The following ACOD1 variants were observed in gnomAD, a reference collection of about 807,000 sequenced individuals.
The protein encoded by ACOD1 is aconitate decarboxylase 1.
A neutral mutation model predicts 14.2 loss-of-function variants in ACOD1; 14 were observed. The ratio of observed to expected loss-of-function variants is 0.99; its 90% CI spans 0.65 to 1.54. The LOEUF is 1.54. Ranked by LOEUF, ACOD1 falls within the 40% of genes most tolerant of loss-of-function variation. ACOD1 has a pLI of 0.00. For missense variants in ACOD1, 530 were observed against 586.3 expected (o/e 0.90, Z 0.99); for synonymous variants, 182 against 221.7 (o/e 0.82, Z 1.59).
rs1391308448 is a variant in ACOD1, at chr13:76,957,173, G to A, written c.634G>A (p.Gly212Ser). ...AATQTKPLHI[G>S]NAAKHGIEAA... ...CACCCAGACCAAGCCCCTCCACATT[G>A]GCAATGCTGCCAAGCATGGGATAGA... The change falls in exon 5 of 5, where the codon GGC (glycine) becomes AGC (serine). Residue 212 changes from glycine (G) to serine (S), a missense_variant. Physicochemically the swap from Gly to Ser is moderately conservative, Grantham distance 56. Coordinates refer to ENST00000377462, the MANE Select transcript of ACOD1 (RefSeq NM_001258406.2). 1.9e-6 allele frequency: 3 copies of A among 1,550,676 alleles called. No homozygotes were observed. The highest frequency in any genetic ancestry group is 2.6e-6 in the Non-Finnish European group (3 of 1,147,016).
At chr13:76,950,230 T>A (rs953361752) in intron 1 of ACOD1, among the ~76,000 whole-genome samples, 3 of 152,062 alleles carry the variant, frequency 2.0e-5, no homozygotes, top group Non-Finnish European at 2.9e-5. Context: ...ACCCTACAGC[T>A]AAGATTTAAA....
At chr13:76,953,331 G>A (rs1446648977) in intron 2 of ACOD1, among the ~76,000 whole-genome samples, 1 of 152,134 alleles carries the variant, frequency 6.6e-6, no homozygotes, top group Non-Finnish European at 1.5e-5. Flanking sequence ...TTACCCCAAG[G>A]AGTAAATAAG....
chr13:76,958,048 AG>A lies in ACOD1; in HGVS notation c.*66del. On this transcript the variant is annotated 3_prime_UTR_variant, in exon 5 of 5. Transcript: ENST00000377462. ...ATTCAATGATTTGGTTTGTAAAGCA[AG>A]GGTCTGCTGCTTGGTTTTCCCAGGA... The A allele has an allele frequency of 7.1e-7, 1 of 1,405,356 alleles. No homozygotes were observed. The highest frequency in any genetic ancestry group is 1.5e-5 in the South Asian group (1 of 65,978). 87.1% of individuals were successfully genotyped at this position (1,405,356 alleles called of 1,614,324 possible).
At position 76,953,629 on chromosome 13, in the gene ACOD1, T is replaced by A. The variant is rs17385627; in HGVS notation, c.204T>A (p.Val68=). Residue 68 remains valine (V), a synonymous_variant, in exon 3 of 5, where the codon GTT becomes GTA. Transcript: ENST00000377462. ...KIYSSNISST[V]WGQPDIRLPP... ...ACAGTTCCAACATATCCAGCACTGT[T>A]TGGGGTCAGCCAGACATCAGGCTCC... 0.11 allele frequency: 163,820 copies of A among 1,548,098 alleles called. 9,330 individuals carry two copies. The highest frequency in any genetic ancestry group is 0.2 in the Admixed American group (10,027 of 50,986).
Position 76,957,988 on chromosome 13 carries a change from C to T in ACOD1, c.*3C>T. On this transcript the variant is annotated 3_prime_UTR_variant, in exon 5 of 5. Transcript: ENST00000377462. ...ATTCTATCACAAATCTCTCCTGAGG[C>T]TTACCAACATCTAAATGACTTTGCA... is the stretch of plus-strand genomic sequence containing the variant. 6.6e-7 allele frequency: 1 copy of T among 1,504,762 alleles called. No individual in the cohort carries two copies. Among genetic ancestry groups the T allele is most frequent in the South Asian group, 1.3e-5 (1 of 75,604 alleles). 93.2% of individuals were successfully genotyped at this position (1,504,762 alleles called of 1,614,324 possible).
intron 4 of ACOD1, among the ~76,000 whole-genome samples, chr13:76,956,256 C>G (rs957835439): frequency 6.6e-6 from 1 of 152,174 alleles, no homozygotes; most frequent in Non-Finnish European, 1.5e-5. Flanking sequence ...GGCTGGAGTG[C>G]AGTGGTGTAA....
Position 76,948,521 on chromosome 13 carries a change from T to C in ACOD1, c.-38T>C. 1.3e-6 allele frequency: 2 copies of C among 1,541,920 alleles called. No homozygotes were observed. The highest frequency in any genetic ancestry group is 2.4e-5 in the South Asian group (2 of 83,126). ...TCCAGCAAACAAATTACTCCTCTGG[T>C]TCACTCCTCCTGAACTGAACCTCTT... On this transcript the variant is annotated 5_prime_UTR_variant, in exon 1 of 5. Coordinates refer to ENST00000377462, the MANE Select transcript of ACOD1 (RefSeq NM_001258406.2).
intron 4 of ACOD1, among the ~76,000 whole-genome samples, chr13:76,956,312 C>T (rs1201156987): frequency 6.6e-6 from 1 of 152,134 alleles, no homozygotes; most frequent in African/African-American, 2.4e-5. Flanking sequence ...AGTGATTCTC[C>T]TGCCTCAGCC....
At chr13:76,952,926 A>C (rs1047359691) in intron 2 of ACOD1, among the ~76,000 whole-genome samples, 4 of 152,162 alleles carry the variant, frequency 2.6e-5, no homozygotes, top group Non-Finnish European at 4.4e-5. Context: ...TGAGCCTAGG[A>C]ATTTGAGACC....
At chr13:76,953,824 C>A in intron 3 of ACOD1, 135 bp downstream of exon 3, 1 of 623,708 alleles carries the variant, frequency 1.6e-6, no homozygotes, top group South Asian at 2.0e-5. Flanking sequence ...AAGTGGCTTA[C>A]CCTCTCTCCT....
intron 1 of ACOD1, 125 bp downstream of exon 1, chr13:76,948,695 C>G (rs1179478161): frequency 2.8e-6 from 2 of 709,922 alleles, no homozygotes; most frequent in Non-Finnish European, 4.8e-6. Context: ...TTCTTTCAAC[C>G]TGTGGGCTAC....
intron 1 of ACOD1, among the ~76,000 whole-genome samples, chr13:76,949,222 G>C (rs531671422): frequency 6.6e-6 from 1 of 152,062 alleles, no homozygotes; most frequent in South Asian, 2.1e-4. Flanking sequence ...AGCCGAGATC[G>C]TGTCACTGTA....
At chr13:76,954,821 G>A (rs1410916265) in intron 3 of ACOD1, among the ~76,000 whole-genome samples, 2 of 152,064 alleles carry the variant, frequency 1.3e-5, no homozygotes, top group South Asian at 4.1e-4. Context: ...CCCAGTGCCC[G>A]GCCATGTGAT....
intron 1 of ACOD1, among the ~76,000 whole-genome samples, chr13:76,950,557 GA>G (rs1298140551): frequency 6.6e-6 from 1 of 152,146 alleles, no homozygotes; most frequent in Non-Finnish European, 1.5e-5. Flanking sequence ...TCTCCAGTGG[GA>G]TGAACACAGA....
intron 3 of ACOD1, 132 bp downstream of exon 3, chr13:76,953,821 T>C (rs2033846717): frequency 1.6e-6 from 1 of 631,592 alleles, no homozygotes; most frequent in Non-Finnish European, 2.9e-6. Flanking sequence ...ATAAAGTGGC[T>C]TACCCTCTCT....
chr13:76,954,174 A>G (rs1463372915), intron 3 of ACOD1, among the ~76,000 whole-genome samples: 1 of 152,186 alleles, frequency 6.6e-6, no homozygotes, highest in Admixed American at 6.5e-5. Flanking sequence ...GATGATTTTT[A>G]TGCTTTTTCT....
chr13:76,957,625 G>A lies in ACOD1; in HGVS notation c.1086G>A (p.Val362=). 1 of 1,550,660 alleles carries A rather than the reference G, an allele frequency of 6.4e-7. No homozygotes were observed. The highest frequency in any genetic ancestry group is 2.4e-5 in the East Asian group (1 of 40,928). Residue 362 remains valine, a synonymous_variant, in exon 5 of 5, where the codon GTG becomes GTA. Transcript: ENST00000377462. ...AATGCCAGATCAACAGGCCACAGGT[G>A]AGAGAGCTGCTCAGTAAGGTGGAGC... ...FHECQINRPQ[V]RELLSKVELE... is the part of the protein sequence containing the mutation.
chr13:76,952,319 G>A (rs1449433380), intron 1 of ACOD1, among the ~76,000 whole-genome samples, 170 bp from the exon 2 acceptor site: 1 of 152,084 alleles, frequency 6.6e-6, no homozygotes, highest in Admixed American at 6.5e-5. Context: ...CACATAGTAG[G>A]TGCTTAGTAC....
At position 76,951,910 on chromosome 13, in the gene ACOD1, T is replaced by G. The variant is rs570050145; in HGVS notation, c.13-579T>G. ...GTTCGTCTGACCATTTGGGACTTGA[T>G]AGCTAGATGCACTGATTGTCGAGTT... On this transcript the variant is annotated intron_variant, in intron 1 of 4. Coordinates refer to ENST00000377462, the MANE Select transcript of ACOD1 (RefSeq NM_001258406.2). Among the ~76,000 whole-genome samples the G allele has an allele frequency of 5.3e-5, 8 of 152,294 alleles. No individual in the cohort carries two copies. The South Asian group carries it at 1.7e-3, about 32-fold the overall frequency.
Sources: allele counts gnomAD v4.1 joint callset (sites outside exome capture counted in the v4.1 genomes callset), GRCh38; gene constraint gnomAD v4.1.1; transcripts MANE v1.5; gene names NCBI Gene and HGNC (gene_info 2026-07-23, HGNC 2026-07-21).